NALF1: variants seen among roughly 807,000 people sequenced by gnomAD.
NALF1 encodes the protein NALCN channel auxiliary factor 1.
NALF1 carries 3 observed loss-of-function variants against 48.4 expected under a neutral mutation model. The ratio of observed to expected loss-of-function variants is 0.06; its 90% CI spans 0.03 to 0.16. NALF1 has a LOEUF of 0.16. NALF1 is among the 10% of genes least tolerant of loss of function. The pLI, the probability that NALF1 is intolerant of heterozygous loss-of-function variation, is 1.00. For missense variants in NALF1, 526 were observed against 571.5 expected (o/e 0.92, Z 0.81); for synonymous variants, 262 against 245.7 (o/e 1.07, Z -0.62).
intron 2 of NALF1, among the ~76,000 whole-genome samples, chr13:107,175,937 C>T (rs1340397451): frequency 2.6e-5 from 4 of 152,112 alleles, no homozygotes; most frequent in African/African-American, 9.7e-5. Context: ...AGGGCCATCC[C>T]AGCTTCAGAT....
At chr13:107,571,599 C>T (rs1469184508) in intron 1 of NALF1, among the ~76,000 whole-genome samples, 4 of 152,054 alleles carry the variant, frequency 2.6e-5, no homozygotes, top group African/African-American at 9.7e-5. Context: ...AAAGTGTTTC[C>T]TTGAGTTCTT....
chr13:107,259,264 T>A lies in NALF1; in HGVS notation c.916-48509A>T, dbSNP rs184353664. Among the ~76,000 whole-genome samples, 98 of 152,274 alleles carry A rather than the reference T, an allele frequency of 6.4e-4. No individual in the cohort carries two copies. In the East Asian group the frequency reaches 0.014, roughly 22 times the overall value. ...AGCAGAGTGTCTTACAAGTAACGGA[T>A]CTTCAATAACTATTTTCTATAACTT... On this transcript the variant is annotated intron_variant, in intron 1 of 2. Coordinates refer to ENST00000375915, the MANE Select transcript of NALF1 (RefSeq NM_001080396.3).
At chr13:107,298,363 A>AAAAAAAAAAAAAAAAAAAAAAAAAAAAC (rs1881766689) in intron 1 of NALF1, among the ~76,000 whole-genome samples, 1 of 148,046 alleles carries the variant, frequency 6.8e-6, no homozygotes, top group Non-Finnish European at 1.5e-5. Context: ...AAAAAAAAAA[A>AAAAAAAAAAAAAAAAAAAAAAAAAAAAC]AAAAAAAAAA....
chr13:107,571,523 G>A (rs1299790685), intron 1 of NALF1, among the ~76,000 whole-genome samples: 2 of 152,150 alleles, frequency 1.3e-5, no homozygotes, highest in Non-Finnish European at 2.9e-5. Context: ...CCGTGCCCCT[G>A]CCCCATACCT....
chr13:107,288,332 G>T (rs1321117532), intron 1 of NALF1, among the ~76,000 whole-genome samples: 1 of 147,904 alleles, frequency 6.8e-6, no homozygotes, highest in African/African-American at 2.5e-5. Flanking sequence ...CCATTCTCCT[G>T]CCTCAGCCTC....
chr13:107,664,924 T>C (rs1364333240), intron 1 of NALF1, among the ~76,000 whole-genome samples: 2 of 152,042 alleles, frequency 1.3e-5, no homozygotes, highest in Non-Finnish European at 2.9e-5. Context: ...GTTTCAACTG[T>C]TGATCATACA....
chr13:107,623,301 G>T (rs1879577286), intron 1 of NALF1, among the ~76,000 whole-genome samples: 1 of 152,072 alleles, frequency 6.6e-6, no homozygotes, highest in South Asian at 2.1e-4. Flanking sequence ...TCTGAGTAAA[G>T]AAACAAGCAA....
At chr13:107,183,543 T>C (rs541642607) in intron 2 of NALF1, among the ~76,000 whole-genome samples, 1 of 152,246 alleles carries the variant, frequency 6.6e-6, no homozygotes, top group South Asian at 2.1e-4. Context: ...CACATGCACA[T>C]GTATGTTTAT....
chr13:107,519,924 A>G, intron 1 of NALF1, among the ~76,000 whole-genome samples: 1 of 152,320 alleles, frequency 6.6e-6, no homozygotes, highest in South Asian at 2.1e-4. Context: ...TAACAAATGT[A>G]GTGCTCTGGT....
At chr13:107,473,838 C>T (rs1461458914) in intron 1 of NALF1, among the ~76,000 whole-genome samples, 3 of 152,172 alleles carry the variant, frequency 2.0e-5, no homozygotes, top group Non-Finnish European at 2.9e-5. Context: ...TGCGACTTCT[C>T]CCAACCATCT....
chr13:107,258,301 T>G (rs1594092826), intron 1 of NALF1, among the ~76,000 whole-genome samples: 1 of 152,348 alleles, frequency 6.6e-6, no homozygotes, highest in African/African-American at 2.4e-5. Context: ...TTTAGATTGC[T>G]AAATCTGTAT....
rs2893293 is a variant in NALF1, at chr13:107,612,392, T to C, written c.915+253290A>G. 0.02 allele frequency among the ~76,000 whole-genome samples: 3,117 copies of C among 152,070 alleles called. 213 individuals are homozygous for C. The East Asian group carries it at 0.26, about 13-fold the overall frequency. On this transcript the variant is annotated intron_variant, in intron 1 of 2. Coordinates refer to ENST00000375915, the MANE Select transcript of NALF1 (RefSeq NM_001080396.3). ...ACCAATACTGCAATATACATTTAAA[T>C]GTGATTGGGGGTGTGATTCTTCATT...
intron 1 of NALF1, among the ~76,000 whole-genome samples, chr13:107,532,128 C>G (rs1171151734): frequency 1.3e-5 from 2 of 152,052 alleles, no homozygotes; most frequent in African/African-American, 4.8e-5. Flanking sequence ...GTGCTAGGTT[C>G]TCCTCCAAGT....
intron 1 of NALF1, among the ~76,000 whole-genome samples, chr13:107,249,905 G>A (rs1352702799): frequency 2.0e-5 from 3 of 152,072 alleles, no homozygotes; most frequent in Admixed American, 1.3e-4. Context: ...CAGTCAATTA[G>A]TATACAATTA....
chr13:107,522,282 A>G (rs1468502900), intron 1 of NALF1, among the ~76,000 whole-genome samples: 1 of 151,980 alleles, frequency 6.6e-6, no homozygotes, highest in East Asian at 1.9e-4. Flanking sequence ...AAACACAAAT[A>G]CTTATTTTTC....
At chr13:107,800,121 T>C (rs1349495710) in intron 1 of NALF1, among the ~76,000 whole-genome samples, 1 of 152,042 alleles carries the variant, frequency 6.6e-6, no homozygotes, top group Non-Finnish European at 1.5e-5. Flanking sequence ...TGTTGGTGGG[T>C]CGAAATACAG....
intron 1 of NALF1, among the ~76,000 whole-genome samples, chr13:107,279,044 T>C (rs1176507584): frequency 3.3e-5 from 1 of 29,892 alleles, no homozygotes; most frequent in Non-Finnish European, 7.8e-5. Context: ...TCTTTTCTTC[T>C]TTTTTTTTTT....
chr13:107,808,449 T>C (rs1315118833), intron 1 of NALF1, among the ~76,000 whole-genome samples: 8 of 152,126 alleles, frequency 5.3e-5, no homozygotes, highest in Non-Finnish European at 1.2e-4. Flanking sequence ...TTTTGGCTTA[T>C]TAAAATCTGT....
intron 1 of NALF1, among the ~76,000 whole-genome samples, chr13:107,536,248 G>A (rs1260147818): frequency 6.6e-6 from 1 of 152,136 alleles, no homozygotes; most frequent in African/African-American, 2.4e-5. Context: ...AAACTAAAGA[G>A]CTCCTGCACA....
Sources: allele counts gnomAD v4.1 joint callset (sites outside exome capture counted in the v4.1 genomes callset), GRCh38; gene constraint gnomAD v4.1.1; transcripts MANE v1.5; gene names NCBI Gene and HGNC (gene_info 2026-07-23, HGNC 2026-07-21).